Variants in SPINK2 observed in about 807,000 individuals in gnomAD.
SPINK2 encodes serine protease inhibitor Kazal-type 2.
A neutral mutation model predicts 13.5 loss-of-function variants in SPINK2; 8 were observed. That is an observed-to-expected ratio of 0.59 (90% CI 0.35 to 1.07). The LOEUF is 1.07. Among genes scored for constraint, SPINK2 ranks in the 50% least tolerant of loss-of-function variants. SPINK2 has a pLI of 0.02. For synonymous variants in SPINK2, 76 were observed against 74.7 expected (o/e 1.02, Z -0.09); for missense variants, 148 against 180.3 (o/e 0.82, Z 1.03).
intron 1 of SPINK2, 124 bp downstream of exon 1, chr4:56,821,334 T>C: frequency 1.4e-6 from 2 of 1,398,902 alleles, no homozygotes; most frequent in Non-Finnish European, 1.8e-6. Context: ...AAATCTACTT[T>C]AACAGAGAAA....
intron 2 of SPINK2, among the ~76,000 whole-genome samples, chr4:56,815,762 TCACACACACA>T (rs140055216): frequency 5.2e-4 from 75 of 143,076 alleles, no homozygotes; most frequent in Non-Finnish European, 8.5e-4. Context: ...CCTAAGAAAT[TCACACACACA>T]CACACACACA....
At position 56,811,761 on chromosome 4, in the gene SPINK2, G is replaced by A. The variant is rs890121746; in HGVS notation, c.283C>T (p.Pro95Ser). Residue 95 changes from proline to serine, a missense_variant, in exon 3 of 4, where the codon CCC becomes TCC. Coordinates refer to ENST00000506738, the MANE Select transcript of SPINK2 (RefSeq NM_001271718.2). ...NCSQYRLPGC[P>S]RHFNPVCGSD... is the part of the protein sequence containing the mutation. ...CCACACACAGGGTTAAAGTGTCTGG[G>A]ACATCCTGGTAATCTATACTGAGAG... 15 of 1,611,150 alleles carry A rather than the reference G, an allele frequency of 9.3e-6. No homozygotes were observed. Among genetic ancestry groups the A allele is most frequent in the African/African-American group, 2.7e-5 (2 of 74,792 alleles).
At chr4:56,812,601 A>G in intron 2 of SPINK2, among the ~76,000 whole-genome samples, 1 of 145,264 alleles carries the variant, frequency 6.9e-6, no homozygotes, top group Non-Finnish European at 1.5e-5. Flanking sequence ...AGGACCTCAG[A>G]GGCTTCAATC....
At chr4:56,820,460 G>C in intron 2 of SPINK2, 76 bp downstream of exon 2, 1 of 1,247,234 alleles carries the variant, frequency 8.0e-7, no homozygotes, top group Non-Finnish European at 1.2e-6. Context: ...GGTCAGACCT[G>C]AAAGCCAGCC....
chr4:56,817,035 C>G (rs1385556571), intron 2 of SPINK2, among the ~76,000 whole-genome samples: 1 of 151,718 alleles, frequency 6.6e-6, no homozygotes, highest in Non-Finnish European at 1.5e-5. Flanking sequence ...AACCCCATCT[C>G]TACTAAAAAT....
chr4:56,820,544 A>G lies in SPINK2; in HGVS notation c.241T>C (p.Tyr81His). ...AGTGGTTTGCTACTTACCGTTCTATATTTTGAAAACAGACCAAATTGAGGG... is the reference window on the plus strand; with the variant it reads ...AGTGGTTTGCTACTTACCGTTCTATGTTTTGAAAACAGACCAAATTGAGGG... ...LIPQFGLFSK[Y>H]RTPNCSQYRL... The change falls in exon 2 of 4, where the codon TAT becomes CAT. Residue 81 changes from tyrosine to histidine, a missense_variant. Coordinates refer to ENST00000506738, the MANE Select transcript of SPINK2 (RefSeq NM_001271718.2). 1 of 1,611,018 alleles carries G rather than the reference A, an allele frequency of 6.2e-7. No individual in the cohort carries two copies. Among genetic ancestry groups the G allele is most frequent in the Non-Finnish European group, 8.5e-7 (1 of 1,177,720 alleles).
intron 2 of SPINK2, 152 bp downstream of exon 2, chr4:56,820,384 C>T: frequency 1.7e-6 from 1 of 595,192 alleles, no homozygotes; most frequent in Non-Finnish European, 3.0e-6. Context: ...ACACTTTTAT[C>T]TGAATCAAAA....
rs1038979440 is a variant in SPINK2, at chr4:56,809,997, G to A, written c.*142C>T. 7.3e-6 allele frequency: 11 copies of A among 1,510,622 alleles called. No homozygotes were observed. Among genetic ancestry groups the A allele is most frequent in the Admixed American group, 2.8e-5 (1 of 36,026 alleles). 93.6% of individuals were successfully genotyped at this position (1,510,622 alleles called of 1,614,324 possible). A position where few individuals can be genotyped will look rare whatever the true frequency, so the allele number is the denominator to read the frequency against. On this transcript the variant is annotated 3_prime_UTR_variant, in exon 4 of 4. Transcript: ENST00000506738. ...AAATTATCCATCACTACACATGGCTGTCTTCCATACCTGCTCTCAGAAAAT... is the reference window on the plus strand; with the variant it reads ...AAATTATCCATCACTACACATGGCTATCTTCCATACCTGCTCTCAGAAAAT...
chr4:56,813,463 G>A (rs754596186), intron 2 of SPINK2, among the ~76,000 whole-genome samples: 7 of 152,104 alleles, frequency 4.6e-5, no homozygotes, highest in Admixed American at 2.0e-4. Flanking sequence ...TAGGAACTGG[G>A]CCTCCTGTTA....
rs933327795 is a variant in SPINK2, at chr4:56,810,026, T to C, written c.*113A>G. 2 of 1,529,218 alleles carry C rather than the reference T, an allele frequency of 1.3e-6. No individual in the cohort carries two copies. The highest frequency in any genetic ancestry group is 4.9e-5 in the East Asian group (2 of 40,410). The allele number at this position is 1,529,218 out of a possible 1,614,324, so 94.7% of individuals were successfully genotyped here. ...TCCATACCTGCTCTCAGAAAATGTG[T>C]GTTAACAAATCTCATGTAAAGAAAC... On this transcript the variant is annotated 3_prime_UTR_variant, in exon 4 of 4. Transcript: ENST00000506738.
upstream of SPINK2, chr4:56,821,750 C>A: frequency 8.4e-7 from 1 of 1,190,190 alleles, no homozygotes; most frequent in Non-Finnish European, 1.1e-6. Context: ...GCGGGGAGGG[C>A]GGGGGAAGGG....
intron 1 of SPINK2, among the ~76,000 whole-genome samples, chr4:56,820,827 T>C (rs3733305): frequency 0.41 from 62,789 of 151,990 alleles, 13,542 homozygotes; most frequent in South Asian, 0.53. Flanking sequence ...TCTTCTATTT[T>C]CCCCTCTAAT....
chr4:56,821,212 G>A lies in SPINK2; in HGVS notation c.205+246C>T, dbSNP rs1396326234. ...AACTCCATTTTAAGAGAGGTGTCCA[G>A]TGTGGTTGGACTAAAGCCCCTTTCT... On this transcript the variant is annotated intron_variant, in intron 1 of 3. Transcript: ENST00000506738. 4.5e-6 allele frequency: 3 copies of A among 669,996 alleles called. No homozygotes were observed. In the African/African-American group the frequency reaches 5.9e-5, roughly 13 times the overall value. The allele number at this position is 669,996 out of a possible 1,614,324, so 41.5% of individuals were successfully genotyped here.
rs1405353419 is a variant in SPINK2 at position 56,819,605 on chromosome 4, CT to C, written c.249+930del. On this transcript the variant is annotated intron_variant, in intron 2 of 3. Coordinates refer to ENST00000506738, the MANE Select transcript of SPINK2 (RefSeq NM_001271718.2). ...AACAATCAGCCCAAAATGGCTAGGA[CT>C]TTTTTTTCTTTCTTTTTTTTTTTTT... Among the ~76,000 whole-genome samples the C allele has an allele frequency of 7.4e-3, 893 of 119,932 alleles. 14 individuals carry two copies. Among genetic ancestry groups the C allele is most frequent in the African/African-American group, 0.028 (845 of 29,784 alleles). The allele number at this position is 119,932 out of a possible 152,430, so 78.7% of individuals were successfully genotyped here.
intron 2 of SPINK2, among the ~76,000 whole-genome samples, chr4:56,818,941 C>A (rs145804961): frequency 2.0e-5 from 3 of 151,632 alleles, no homozygotes; most frequent in African/African-American, 7.3e-5. Context: ...TCCTGGAGGA[C>A]GTAGGCAAAC....
intron 1 of SPINK2, 23 bp from the exon 2 acceptor site, chr4:56,820,602 T>C: frequency 6.3e-7 from 1 of 1,587,480 alleles, no homozygotes; most frequent in Non-Finnish European, 8.6e-7. Context: ...AGCATAGACA[T>C]TTTACAGTAT....
At chr4:56,821,801 G>A, upstream of SPINK2, 1 of 913,580 alleles carries the variant, frequency 1.1e-6, no homozygotes, top group Non-Finnish European at 1.5e-6. Flanking sequence ...TAGGTGGCGA[G>A]GGAAGAGGGG....
chr4:56,817,616 C>T (rs1335619794), intron 2 of SPINK2, among the ~76,000 whole-genome samples: 7 of 114,246 alleles, frequency 6.1e-5, no homozygotes, highest in Non-Finnish European at 1.0e-4. Flanking sequence ...TTTGGGAGGC[C>T]GAGGCGGGCA....
In SPINK2 at chr4:56,821,468, C is replaced by A; in HGVS notation, c.195G>T (p.Glu65Asp). Residue 65 changes from glutamate to aspartate, a missense_variant, in exon 1 of 4, where the codon GAG (glutamate) becomes GAT (aspartate). Transcript: ENST00000506738. ...TRAPVTGGSP[E>D]DLPASLIPQF... ...TTCGCGTTCCTCCACCTGGCAGGTC[C>A]TCTGGGGAACCGCCAGTAACGGGCG... is the stretch of plus-strand genomic sequence containing the variant. 1 of 1,527,656 alleles carries A rather than the reference C, an allele frequency of 6.5e-7. No individual in the cohort carries two copies. Among genetic ancestry groups the A allele is most frequent in the South Asian group, 1.2e-5 (1 of 82,372 alleles). The allele number at this position is 1,527,656 out of a possible 1,614,324, so 94.6% of individuals were successfully genotyped here.
Sources: gnomAD v4.1 joint callset for allele counts (sites outside exome capture counted in the v4.1 genomes callset) on GRCh38, gnomAD v4.1.1 for gene constraint, MANE v1.5 for transcripts, NCBI Gene and HGNC (gene_info 2026-07-23, HGNC 2026-07-21) for gene names.